Variants in DCC observed in about 807,000 individuals in gnomAD.
DCC encodes the protein netrin receptor DCC.
A neutral mutation model predicts 172.5 loss-of-function variants in DCC; 58 were observed. The ratio of observed to expected loss-of-function variants is 0.34; its 90% confidence interval spans 0.27 to 0.42. The LOEUF is 0.42. DCC is among the 10% of genes least tolerant of loss of function. The pLI is 1.00. For synonymous variants in DCC, 709 were observed against 644.5 expected, an observed-to-expected ratio of 1.10 and a Z score of -1.52; for missense variants, 1,740 against 1,791.0, an observed-to-expected ratio of 0.97 and a Z score of 0.51.
At chr18:52,766,118 G>A (rs764459299) in intron 2 of DCC, among the ~76,000 whole-genome samples, 43 of 152,270 alleles carry the variant, frequency 2.8e-4, no homozygotes, top group Admixed American at 5.9e-4. Context: ...GGCCATTTTG[G>A]TGCCGGTAGG....
intron 14 of DCC, among the ~76,000 whole-genome samples, chr18:53,324,860 C>A (rs1402642026): frequency 1.3e-5 from 2 of 151,914 alleles, no homozygotes; most frequent in Admixed American, 1.3e-4. Context: ...ACATTATTAG[C>A]CTTATTTTAT....
chr18:53,420,557 A>T (rs777795702), intron 21 of DCC, among the ~76,000 whole-genome samples: 1 of 152,170 alleles, frequency 6.6e-6, no homozygotes, highest in Non-Finnish European at 1.5e-5. Flanking sequence ...CAGTGTGGTC[A>T]GTTTCTGGTG....
chr18:52,530,339 A>G (rs2032111898), intron 1 of DCC, among the ~76,000 whole-genome samples: 1 of 152,222 alleles, frequency 6.6e-6, no homozygotes. Flanking sequence ...GTTCATTACA[A>G]GAAAAACAGT....
At chr18:53,198,507 T>C (rs183897550) in intron 9 of DCC, among the ~76,000 whole-genome samples, 2 of 152,124 alleles carry the variant, frequency 1.3e-5, no homozygotes, top group East Asian at 3.9e-4. Context: ...TCAATATGAT[T>C]ATATGTAATC....
intron 5 of DCC, among the ~76,000 whole-genome samples, chr18:52,930,368 G>C (rs1022142927): frequency 6.6e-6 from 1 of 152,118 alleles, no homozygotes; most frequent in Non-Finnish European, 1.5e-5. Context: ...CTGAAGGAAA[G>C]GATCTTTTGA....
Position 53,446,112 on chromosome 18 carries a change from AAAC to A in DCC, c.3230-4385_3230-4383del, listed in dbSNP as rs1415732787. Among the ~76,000 whole-genome samples, 14 of 137,980 alleles carry A rather than the reference AAAC, an allele frequency of 1.0e-4. 1 individual carries two copies. The highest frequency in any genetic ancestry group is 4.4e-4 in the South Asian group (2 of 4,502). 90.5% of individuals were successfully genotyped at this position (137,980 alleles called of 152,430 possible). On this transcript the variant is annotated intron_variant, in intron 22 of 28. Coordinates refer to ENST00000442544, the MANE Select transcript of DCC (RefSeq NM_005215.4). ...CCCTGTCTCTACAAAAAAAAAAAAAAAACAAAAAAAAACACTTAAAAATTTTCC... is the reference window on the plus strand; with the variant it reads ...CCCTGTCTCTACAAAAAAAAAAAAAAAAAAAAAAACACTTAAAAATTTTCC...
chr18:52,709,443 C>T (rs575317344), intron 1 of DCC, among the ~76,000 whole-genome samples: 1 of 152,254 alleles, frequency 6.6e-6, no homozygotes, highest in Admixed American at 6.5e-5. Context: ...GGGCCTATCA[C>T]AGGGGCATGG....
At position 52,406,353 on chromosome 18, in the gene DCC, G is replaced by A. The variant is rs868745140; in HGVS notation, c.91+65475G>A. 1.1e-3 allele frequency among the ~76,000 whole-genome samples: 161 copies of A among 150,918 alleles called. 1 individual carries two copies. The highest frequency in any genetic ancestry group is 5.5e-3 in the South Asian group (26 of 4,716). On this transcript the variant is annotated intron_variant, in intron 1 of 28. Coordinates refer to ENST00000442544, the MANE Select transcript of DCC (RefSeq NM_005215.4). ...TAATTAAACTAAAGAGCTTCTGCAC[G>A]GCAAAAGAAACTACCATCAGAGTGA...
intron 5 of DCC, among the ~76,000 whole-genome samples, chr18:52,927,894 A>T (rs2040244125): frequency 6.6e-6 from 1 of 152,044 alleles, no homozygotes; most frequent in African/African-American, 2.4e-5. Flanking sequence ...TTACTATTTG[A>T]CCCAACAATC....
intron 1 of DCC, among the ~76,000 whole-genome samples, chr18:52,342,038 C>T (rs981376080): frequency 1.3e-5 from 2 of 152,152 alleles, no homozygotes; most frequent in Admixed American, 6.5e-5. Context: ...CCCCGGAGTC[C>T]GCAGCTCCGG....
At chr18:52,538,458 T>C (rs997123906) in intron 1 of DCC, among the ~76,000 whole-genome samples, 1 of 152,186 alleles carries the variant, frequency 6.6e-6, no homozygotes, top group Non-Finnish European at 1.5e-5. Context: ...ATAAACTCTT[T>C]CCTGATGTAC....
chr18:52,851,381 A>C (rs1211252096), intron 2 of DCC, among the ~76,000 whole-genome samples: 1 of 152,102 alleles, frequency 6.6e-6, no homozygotes, highest in Non-Finnish European at 1.5e-5. Context: ...AGACAATAGA[A>C]TTCCCAAACA....
chr18:52,463,676 G>A (rs1022398935), intron 1 of DCC, among the ~76,000 whole-genome samples: 1 of 152,058 alleles, frequency 6.6e-6, no homozygotes, highest in African/African-American at 2.4e-5. Context: ...AACTGTGGGA[G>A]GATTAACTGG....
chr18:53,133,370 T>C (rs751068449), intron 7 of DCC, among the ~76,000 whole-genome samples: 1 of 152,126 alleles, frequency 6.6e-6, no homozygotes, highest in Non-Finnish European at 1.5e-5. Context: ...ATCCAAGTAC[T>C]GTTTTAGTTT....
intron 8 of DCC, among the ~76,000 whole-genome samples, chr18:53,175,480 C>G (rs894973398): frequency 2.6e-5 from 4 of 151,676 alleles, no homozygotes; most frequent in Non-Finnish European, 4.4e-5. Flanking sequence ...TCAGCAAAGT[C>G]TCAGCATACA....
intron 1 of DCC, among the ~76,000 whole-genome samples, chr18:52,642,870 C>T (rs1182247015): frequency 6.6e-6 from 1 of 152,096 alleles, no homozygotes; most frequent in African/African-American, 2.4e-5. Context: ...TGCTATGTTA[C>T]CCAGTCTGGT....
chr18:52,633,050 G>A (rs1354607838), intron 1 of DCC, among the ~76,000 whole-genome samples: 1 of 152,016 alleles, frequency 6.6e-6, no homozygotes, highest in East Asian at 1.9e-4. Flanking sequence ...TCAATGAAAA[G>A]CATTCTGGAC....
intron 1 of DCC, among the ~76,000 whole-genome samples, chr18:52,639,668 C>T (rs866313072): frequency 6.6e-6 from 1 of 151,690 alleles, no homozygotes; most frequent in Non-Finnish European, 1.5e-5. Flanking sequence ...AGACCAATAA[C>T]AACAGCAAGA....
intron 1 of DCC, among the ~76,000 whole-genome samples, chr18:52,639,542 T>C (rs1045457716): frequency 6.6e-6 from 1 of 151,926 alleles, no homozygotes; most frequent in Non-Finnish European, 1.5e-5. Context: ...TTTATGCACA[T>C]AAACTAGAAA....
Sources: allele counts gnomAD v4.1 joint callset (sites outside exome capture counted in the v4.1 genomes callset), GRCh38; gene constraint gnomAD v4.1.1; transcripts MANE v1.5; gene names NCBI Gene and HGNC (gene_info 2026-07-23, HGNC 2026-07-21).